Variants in BRAF observed in about 807,000 individuals in gnomAD.
BRAF encodes B-Raf proto-oncogene, serine/threonine kinase.
In BRAF, 16 loss-of-function variants were observed where a neutral mutation model predicts 104.6. The observed-to-expected ratio is 0.15, with a 90% CI of 0.10 to 0.23. The LOEUF (loss-of-function observed/expected upper bound fraction) is 0.23. Among genes scored for constraint, BRAF ranks in the 10% least tolerant of loss-of-function variants. The pLI is 1.00. For synonymous variants in BRAF, 310 were observed against 341.6 expected, an observed-to-expected ratio of 0.91 and a Z score of 1.02; for missense variants, 541 against 937.3, an observed-to-expected ratio of 0.58 and a Z score of 5.52.
chr7:140,720,172 G>GC lies in BRAF; in HGVS notation c.*6321dup. On this transcript the variant is annotated 3_prime_UTR_variant, in exon 20 of 20. Coordinates refer to ENST00000644969, the MANE Select transcript of BRAF (RefSeq NM_001374258.1). ...GTATGATCCTATCTTAGGAAAGGCA[G>GC]CAATTGCCATGTTGAGGAAAGGATC... is the stretch of plus-strand genomic sequence containing the variant. 1 of 1,062,156 alleles carries GC rather than the reference G, an allele frequency of 9.4e-7. No homozygotes were observed. The highest frequency in any genetic ancestry group is 5.1e-5 in the East Asian group (1 of 19,638). The allele number at this position is 1,062,156 out of a possible 1,614,324, so 65.8% of individuals were successfully genotyped here. A position where few individuals can be genotyped will look rare whatever the true frequency, so the allele number is the denominator to read the frequency against.
intron 1 of BRAF, among the ~76,000 whole-genome samples, chr7:140,863,335 G>C (rs1458034145): frequency 6.6e-6 from 1 of 152,190 alleles, no homozygotes; most frequent in Non-Finnish European, 1.5e-5. Context: ...GTTAAAGATA[G>C]TGACTGTGGC....
intron 1 of BRAF, among the ~76,000 whole-genome samples, chr7:140,901,632 A>G (rs1328435635): frequency 2.0e-5 from 3 of 152,220 alleles, no homozygotes; most frequent in Non-Finnish European, 4.4e-5. Context: ...ATCCACACTC[A>G]GTACAGGGTA....
intron 3 of BRAF, among the ~76,000 whole-genome samples, chr7:140,809,886 A>C (rs936136435): frequency 3.5e-5 from 5 of 140,900 alleles, no homozygotes; most frequent in Non-Finnish European, 7.4e-5. Context: ...AAAAAAAGTA[A>C]TCTCTCTGTA....
chr7:140,795,358 T>C (rs1197032656), intron 7 of BRAF, among the ~76,000 whole-genome samples: 1 of 152,192 alleles, frequency 6.6e-6, no homozygotes, highest in East Asian at 1.9e-4. Context: ...TGTCACTTGA[T>C]AGATGAGGTA....
At chr7:140,761,604 AAG>A in intron 14 of BRAF, among the ~76,000 whole-genome samples, 1 of 152,312 alleles carries the variant, frequency 6.6e-6, no homozygotes, top group South Asian at 2.1e-4. Context: ...AAACTGGATA[AAG>A]AGTCAAGACC....
downstream of BRAF, among the ~76,000 whole-genome samples, chr7:140,714,697 C>A (rs552819031): frequency 6.6e-6 from 1 of 151,960 alleles, no homozygotes; most frequent in Admixed American, 6.6e-5. Flanking sequence ...ATCACTCAGG[C>A]GTTGAGAATC....
At chr7:140,855,311 A>G (rs1460551484) in intron 1 of BRAF, among the ~76,000 whole-genome samples, 1 of 152,144 alleles carries the variant, frequency 6.6e-6, no homozygotes, top group Non-Finnish European at 1.5e-5. Flanking sequence ...AAACAAAACT[A>G]AAAACTTCAA....
chr7:140,776,891 C>T (rs779055779), intron 14 of BRAF, 21 bp downstream of exon 13: 5 of 1,605,320 alleles, frequency 3.1e-6, no homozygotes, highest in Non-Finnish European at 4.3e-6. Context: ...ATTTACAAGA[C>T]ATTTAACGAA....
intron 1 of BRAF, among the ~76,000 whole-genome samples, chr7:140,882,143 C>T (rs1812991779): frequency 6.6e-6 from 1 of 152,094 alleles, no homozygotes; most frequent in Non-Finnish European, 1.5e-5. Flanking sequence ...ACAAAGTAAG[C>T]CTATAATTCC....
rs1005325622 is a variant in BRAF at position 140,807,990 on chromosome 7, C to T, written c.681G>A (p.Leu227=). ...LTGEELHVEV[L]ENVPLTTHNF... is the part of the protein sequence containing the mutation. ...TGTGTGTTGTAAGTGGAACATTCTC[C>T]AACACTTCCACATGCAATTCTTCTC... Residue 227 remains leucine, a synonymous_variant, in exon 5 of 20, where the codon TTG becomes TTA. Transcript: ENST00000644969. 6.2e-7 allele frequency: 1 copy of T among 1,613,180 alleles called. No homozygotes were observed. Among genetic ancestry groups the T allele is most frequent in the Non-Finnish European group, 8.5e-7 (1 of 1,179,392 alleles).
chr7:140,898,531 G>A (rs1015280933), intron 1 of BRAF, among the ~76,000 whole-genome samples: 5 of 152,160 alleles, frequency 3.3e-5, no homozygotes, highest in Non-Finnish European at 7.4e-5. Flanking sequence ...AGTAATCAGA[G>A]ATGAAAATTA....
chr7:140,741,511 T>C (rs1039198070), intron 17 of BRAF: 5 of 152,188 alleles, frequency 3.3e-5, no homozygotes, highest in African/African-American at 9.7e-5. Flanking sequence ...CTAGAAGTAA[T>C]AATGGTCCTT....
chr7:140,780,114 A>T (rs1006766874), intron 12 of BRAF, among the ~76,000 whole-genome samples: 1 of 144,730 alleles, frequency 6.9e-6, no homozygotes, highest in African/African-American at 2.9e-5. Flanking sequence ...TTGAAGGTAT[A>T]AAAAAATTCC....
rs928732736 is a variant in BRAF, at chr7:140,781,492, C to T, written c.1552+84G>A. On this transcript the variant is annotated intron_variant, in intron 12 of 19. Transcript: ENST00000644969. The stretch of plus-strand genomic sequence containing the variant: ...TATTGATGCGAACAGTGAATATTTC[C>T]TTTGATGATATTTTTTACAAAATAA... The T allele has an allele frequency of 4.7e-6, 6 of 1,270,454 alleles. No homozygotes were observed. The African/African-American group carries it at 7.3e-5, about 16-fold the overall frequency. 78.7% of individuals were successfully genotyped at this position (1,270,454 alleles called of 1,614,324 possible).
intron 1 of BRAF, among the ~76,000 whole-genome samples, chr7:140,866,451 A>G (rs985025772): frequency 6.6e-6 from 1 of 152,204 alleles, no homozygotes; most frequent in African/African-American, 2.4e-5. Context: ...GCGCTCTGTG[A>G]ATTTGGAACT....
chr7:140,782,936 AAT>A, intron 11 of BRAF, 83 bp downstream of exon 10: 1 of 1,482,868 alleles, frequency 6.7e-7, no homozygotes, highest in South Asian at 1.2e-5. Flanking sequence ...ATATGGACAT[AAT>A]ATATCTAAAG....
intron 5 of BRAF, among the ~76,000 whole-genome samples, chr7:140,804,349 C>T (rs533403865): frequency 3.3e-5 from 5 of 151,412 alleles, no homozygotes; most frequent in East Asian, 1.9e-4. Context: ...GGACTATAGG[C>T]GCACACCATC....
chr7:140,725,079 C>T lies in BRAF; in HGVS notation c.*1415G>A, dbSNP rs1795526287. 1.6e-5 allele frequency: 17 copies of T among 1,045,518 alleles called. No individual in the cohort carries two copies. Among genetic ancestry groups the T allele is most frequent in the Non-Finnish European group, 2.0e-5 (17 of 866,944 alleles). 64.8% of individuals were successfully genotyped at this position (1,045,518 alleles called of 1,614,324 possible). ...TTGCTCTATTCTCTGTCTGGGAATT[C>T]AGCTGCCAAATTGCCCAACCTTTTG... is the stretch of plus-strand genomic sequence containing the variant. On this transcript the variant is annotated 3_prime_UTR_variant, in exon 20 of 20. Transcript: ENST00000644969.
chr7:140,834,919 A>T, intron 2 of BRAF, 47 bp from the exon 3 acceptor site: 1 of 1,603,932 alleles, frequency 6.2e-7, no homozygotes, highest in Non-Finnish European at 8.5e-7. Context: ...TTGTCCTGAC[A>T]TTAACAAAAG....
Sources: allele counts gnomAD v4.1 joint callset (sites outside exome capture counted in the v4.1 genomes callset), GRCh38; gene constraint gnomAD v4.1.1; transcripts MANE v1.5; gene names NCBI Gene and HGNC (gene_info 2026-07-23, HGNC 2026-07-21).